The following CATSPERE variants were observed in gnomAD, a reference collection of about 807,000 sequenced individuals.
CATSPERE encodes catsper channel auxiliary subunit epsilon, also known as cation channel sperm-associated auxiliary subunit epsilon.
A neutral mutation model predicts 114.1 loss-of-function variants in CATSPERE; 93 were observed. That is an observed-to-expected ratio of 0.81 (90% CI 0.69 to 0.97). CATSPERE has a LOEUF of 0.97. Among genes scored for constraint, CATSPERE ranks in the 50% least tolerant of loss-of-function variants. The probability of loss-of-function intolerance (pLI) is 0.00; values close to 1 mark genes in which losing one functional copy is unlikely to be tolerated. For missense variants in CATSPERE, 1,058 were observed against 1,131.6 expected (o/e 0.93, Z 0.93); for synonymous variants, 341 against 384.1 (o/e 0.89, Z 1.31).
chr1:244,563,381 A>G (rs1662891944), intron 10 of CATSPERE, among the ~76,000 whole-genome samples: 1 of 152,204 alleles, frequency 6.6e-6, no homozygotes, highest in African/African-American at 2.4e-5. Flanking sequence ...ACTGCTACCA[A>G]CAGTGTAAAA....
At chr1:244,557,792 AG>A (rs1431099329) in intron 9 of CATSPERE, among the ~76,000 whole-genome samples, 3 of 151,056 alleles carry the variant, frequency 2.0e-5, no homozygotes, top group Non-Finnish European at 2.9e-5. Context: ...CTTTCCTACT[AG>A]GATTCCAAAA....
chr1:244,464,266 T>C (rs1432718493), intron 2 of CATSPERE, among the ~76,000 whole-genome samples: 2 of 152,248 alleles, frequency 1.3e-5, no homozygotes, highest in Non-Finnish European at 2.9e-5. Context: ...TTAATAATTA[T>C]ACAACAGGTA....
intron 8 of CATSPERE, among the ~76,000 whole-genome samples, chr1:244,545,996 C>T (rs538883825): frequency 6.6e-6 from 1 of 152,298 alleles, no homozygotes; most frequent in South Asian, 2.1e-4. Flanking sequence ...TGCAGCAGCA[C>T]CAAAAAGTGG....
exon 1 of CATSPERE, chr1:244,454,543 C>G (rs1665948105): frequency 6.6e-6 from 1 of 151,414 alleles, no homozygotes; most frequent in African/African-American, 2.4e-5. Context: ...GCAGGGTCAT[C>G]AAAAGCCACT....
chr1:244,555,220 A>G (rs1661392458), intron 9 of CATSPERE, among the ~76,000 whole-genome samples: 1 of 152,002 alleles, frequency 6.6e-6, no homozygotes, highest in Admixed American at 6.6e-5. Context: ...CCCCATCTCT[A>G]CTAAAAATAC....
At chr1:244,549,413 G>A (rs1248066594) in intron 8 of CATSPERE, among the ~76,000 whole-genome samples, 1 of 70,342 alleles carries the variant, frequency 1.4e-5, no homozygotes, top group African/African-American at 5.7e-5. Flanking sequence ...ATACATTTGT[G>A]TGTATGTCTA....
rs1676470322 is a variant in CATSPERE, at chr1:244,515,516, C to T, written c.430-3076C>T. Among the ~76,000 whole-genome samples, 3 of 152,240 alleles carry T rather than the reference C, an allele frequency of 2.0e-5. No homozygotes were observed. In the South Asian group the frequency reaches 6.2e-4, roughly 32 times the overall value. ...GATATAAAATTTGGGATCTGGCTTACAATTTGATGAGTTGTACAGGAATTG... is the reference window on the plus strand; with the variant it reads ...GATATAAAATTTGGGATCTGGCTTATAATTTGATGAGTTGTACAGGAATTG... On this transcript the variant is annotated intron_variant, in intron 7 of 21. Coordinates refer to ENST00000366534, the MANE Select transcript of CATSPERE (RefSeq NM_001130957.2).
Position 244,566,667 on chromosome 1 carries a change from TTTTTTTTTTTTTTTTTTTTTG to T in CATSPERE, c.1507+5523_1507+5543del, listed in dbSNP as rs59866721. Among the ~76,000 whole-genome samples, 629 of 114,074 alleles carry T rather than the reference TTTTTTTTTTTTTTTTTTTTTG, an allele frequency of 5.5e-3. 7 individuals carry two copies. The highest frequency in any genetic ancestry group is 0.017 in the African/African-American group (559 of 33,142). The allele number at this position is 114,074 out of a possible 152,430, so 74.8% of individuals were successfully genotyped here. ...GCAACCCCTGCTTTTTTTTTTTTTT[TTTTTTTTTTTTTTTTTTTTTG>T]CTTTCCATTTGCTTGGTAAATATTC... is the stretch of plus-strand genomic sequence containing the variant. On this transcript the variant is annotated intron_variant, in intron 10 of 21. Coordinates refer to ENST00000366534, the MANE Select transcript of CATSPERE (RefSeq NM_001130957.2).
In CATSPERE at chr1:244,584,038, C is replaced by G. The variant is rs1055049892; in HGVS notation, c.2085+99C>G. The G allele has an allele frequency of 1.7e-5, 14 of 821,886 alleles. No homozygotes were observed. The African/African-American group carries it at 2.4e-4, about 14-fold the overall frequency. 50.9% of individuals were successfully genotyped at this position (821,886 alleles called of 1,614,324 possible). A position where few individuals can be genotyped will look rare whatever the true frequency, so the allele number is the denominator to read the frequency against. The stretch of plus-strand genomic sequence containing the variant: ...AATACCTCCGTACAATACCTCCATG[C>G]AATACCTCCATACAATACCTCCATA... On this transcript the variant is annotated intron_variant, in intron 13 of 21. Transcript: ENST00000366534.
At position 244,512,802 on chromosome 1, in the gene CATSPERE, G is replaced by A. The variant is rs1390353609; in HGVS notation, c.430-5790G>A. Among the ~76,000 whole-genome samples, 7 of 152,148 alleles carry A rather than the reference G, an allele frequency of 4.6e-5. 1 individual carries two copies. The highest frequency in any genetic ancestry group is 7.4e-5 in the Non-Finnish European group (5 of 68,016). ...GGTTACTCTGGCTTTAATTCTGGAT[G>A]GGCACAGTAGTGTAGTCCCTGCATG... On this transcript the variant is annotated intron_variant, in intron 7 of 21. Coordinates refer to ENST00000366534, the MANE Select transcript of CATSPERE (RefSeq NM_001130957.2).
intron 5 of CATSPERE, among the ~76,000 whole-genome samples, chr1:244,483,184 G>A (rs1024072099): frequency 4.6e-5 from 7 of 152,130 alleles, no homozygotes; most frequent in African/African-American, 1.7e-4. Flanking sequence ...GACATCACCT[G>A]GAAATTTATT....
chr1:244,580,436 G>A (rs947132946), intron 11 of CATSPERE, among the ~76,000 whole-genome samples: 2 of 152,038 alleles, frequency 1.3e-5, no homozygotes, highest in African/African-American at 4.8e-5. Flanking sequence ...CTGGGTCACT[G>A]TAACTTCACG....
At chr1:244,508,303 CTT>C (rs1009692394) in intron 7 of CATSPERE, among the ~76,000 whole-genome samples, 19 of 133,156 alleles carry the variant, frequency 1.4e-4, no homozygotes, top group Admixed American at 3.7e-4. Flanking sequence ...TTTTTCTTTT[CTT>C]TTTTTTTTTT....
intron 6 of CATSPERE, among the ~76,000 whole-genome samples, chr1:244,498,483 AAATT>A (rs1673465138): frequency 1.3e-5 from 2 of 152,196 alleles, no homozygotes; most frequent in African/African-American, 4.8e-5. Flanking sequence ...ATAAGAAAGA[AAATT>A]AGTTCTGCAT....
At position 244,513,021 on chromosome 1, in the gene CATSPERE, A is replaced by C. The variant is rs574876371; in HGVS notation, c.430-5571A>C. On this transcript the variant is annotated intron_variant, in intron 7 of 21. Coordinates refer to ENST00000366534, the MANE Select transcript of CATSPERE (RefSeq NM_001130957.2). ...GAACCCCCTGGCAGCCTACATGGGCACTAGTAGTAGCAGGTCTGGGTAGAC... is the reference window on the plus strand; with the variant it reads ...GAACCCCCTGGCAGCCTACATGGGCCCTAGTAGTAGCAGGTCTGGGTAGAC... 9.2e-5 allele frequency among the ~76,000 whole-genome samples: 14 copies of C among 152,332 alleles called. No homozygotes were observed. The South Asian group carries it at 2.9e-3, about 32-fold the overall frequency.
upstream of CATSPERE, among the ~76,000 whole-genome samples, chr1:244,460,633 G>C (rs1666601754): frequency 6.6e-6 from 1 of 152,260 alleles, no homozygotes; most frequent in Admixed American, 6.5e-5. Context: ...GCTGTGCCTG[G>C]CCAGGTCTGG....
chr1:244,501,723 A>G (rs1445908164), intron 7 of CATSPERE, among the ~76,000 whole-genome samples: 1 of 152,236 alleles, frequency 6.6e-6, no homozygotes, highest in African/African-American at 2.4e-5. Context: ...TTCATACTTA[A>G]TACTTTCTTT....
At position 244,617,387 on chromosome 1, in the gene CATSPERE, G is replaced by A. The variant is rs984781077; in HGVS notation, c.2491-142G>A. The A allele has an allele frequency of 6.9e-6, 4 of 580,826 alleles. No individual in the cohort carries two copies. The African/African-American group carries it at 7.8e-5, about 11-fold the overall frequency. 36.0% of individuals were successfully genotyped at this position (580,826 alleles called of 1,614,324 possible). A position where few individuals can be genotyped will look rare whatever the true frequency, so the allele number is the denominator to read the frequency against. On this transcript the variant is annotated intron_variant, in intron 19 of 21. Coordinates refer to ENST00000366534, the MANE Select transcript of CATSPERE (RefSeq NM_001130957.2). ...TTTAACCCAGTATCGCTCTTAAAGT[G>A]CTATAAAGAGCACTGCAGGGGTAAA... is the stretch of plus-strand genomic sequence containing the variant.
In CATSPERE at chr1:244,573,695, G is replaced by A. The variant is rs553519842; in HGVS notation, c.1950+923G>A. 3.3e-5 allele frequency among the ~76,000 whole-genome samples: 5 copies of A among 152,278 alleles called. No individual in the cohort carries two copies. The highest frequency in any genetic ancestry group is 7.4e-5 in the Non-Finnish European group (5 of 68,018). On this transcript the variant is annotated intron_variant, in intron 11 of 21. Transcript: ENST00000366534. This position sits in a 1 kb window ranked among gnomAD's most constrained non-coding sequence, Gnocchi z 4.0. Reference sequence around the variant, plus strand: ...AGTCTCAGGGCAGTGTTCCAAGACGGTGAGAGCAGAAGCCTAGGTTTGGCC... The same window carrying A: ...AGTCTCAGGGCAGTGTTCCAAGACGATGAGAGCAGAAGCCTAGGTTTGGCC...
Sources: allele counts gnomAD v4.1 joint callset (sites outside exome capture counted in the v4.1 genomes callset), GRCh38; gene constraint gnomAD v4.1.1; non-coding constraint Gnocchi (gnomAD v3.1); transcripts MANE v1.5; gene names NCBI Gene and HGNC (gene_info 2026-07-23, HGNC 2026-07-21).